The following CHST9 variants were observed in gnomAD, a reference collection of about 807,000 sequenced individuals.
CHST9 encodes GalNAc-4-sulfotransferase 2.
CHST9 carries 41 observed loss-of-function variants against 44.4 expected under a neutral mutation model. The observed-to-expected ratio is 0.92, with a 90% confidence interval of 0.72 to 1.20. CHST9 has a LOEUF of 1.20. CHST9 is among the 50% of genes most tolerant of loss of function. The pLI is 0.00. For synonymous variants in CHST9, 171 were observed against 178.4 expected (o/e 0.96, Z 0.33); for missense variants, 504 against 516.5 (o/e 0.98, Z 0.23).
intron 2 of CHST9, among the ~76,000 whole-genome samples, chr18:27,063,273 C>G (rs938409094): frequency 6.6e-6 from 1 of 152,120 alleles, no homozygotes; most frequent in African/African-American, 2.4e-5. Context: ...CATATGCTCC[C>G]TCATATATTT....
chr18:27,062,289 C>A (rs2057732265), intron 2 of CHST9, among the ~76,000 whole-genome samples: 1 of 152,032 alleles, frequency 6.6e-6, no homozygotes. Flanking sequence ...TTAGGTATAT[C>A]TCCTAATGCT....
At chr18:27,001,347 C>A (rs1440918056) in intron 4 of CHST9, among the ~76,000 whole-genome samples, 1 of 152,200 alleles carries the variant, frequency 6.6e-6, no homozygotes, top group Non-Finnish European at 1.5e-5. Flanking sequence ...CGGCTGCTCA[C>A]ATTCCATGCC....
At chr18:27,128,666 T>G (rs527873540) in intron 2 of CHST9, among the ~76,000 whole-genome samples, 3 of 152,326 alleles carry the variant, frequency 2.0e-5, no homozygotes, top group East Asian at 3.9e-4. Context: ...TCTACTTAAC[T>G]AGTAGCAAGA....
At chr18:26,970,379 T>A (rs895660828) in intron 4 of CHST9, among the ~76,000 whole-genome samples, 2 of 152,220 alleles carry the variant, frequency 1.3e-5, no homozygotes, top group African/African-American at 4.8e-5. Flanking sequence ...AAATGCTGTA[T>A]GTATTGATTC....
At chr18:27,003,241 G>A (rs2056974051) in intron 4 of CHST9, among the ~76,000 whole-genome samples, 2 of 152,056 alleles carry the variant, frequency 1.3e-5, no homozygotes, top group Admixed American at 1.3e-4. Flanking sequence ...TTTCCTACCA[G>A]AAAAACTGAT....
intron 4 of CHST9, among the ~76,000 whole-genome samples, chr18:26,999,887 T>C (rs556346410): frequency 2.0e-5 from 3 of 152,298 alleles, no homozygotes; most frequent in African/African-American, 7.2e-5. Context: ...AGTTGGGTAC[T>C]TAGACGTTAA....
intron 5 of CHST9, among the ~76,000 whole-genome samples, chr18:26,941,176 C>A (rs532725219): frequency 1.3e-5 from 2 of 152,230 alleles, no homozygotes; most frequent in African/African-American, 4.8e-5. Flanking sequence ...ACTGGTGTTG[C>A]CTCTCTCTGC....
chr18:27,026,201 C>T (rs755646575), intron 3 of CHST9, among the ~76,000 whole-genome samples: 7 of 152,108 alleles, frequency 4.6e-5, no homozygotes, highest in African/African-American at 1.7e-4. Context: ...TAGGGCATTA[C>T]AATGAGAGTA....
chr18:27,028,118 G>A (rs926112258), intron 3 of CHST9, among the ~76,000 whole-genome samples: 4 of 152,072 alleles, frequency 2.6e-5, no homozygotes, highest in African/African-American at 9.7e-5. Context: ...TTTTCACCAT[G>A]TTGGTCAGGC....
chr18:27,027,646 C>T (rs565174171), intron 3 of CHST9, among the ~76,000 whole-genome samples: 2 of 152,116 alleles, frequency 1.3e-5, no homozygotes, highest in African/African-American at 2.4e-5. Flanking sequence ...GTTATGTGAA[C>T]CTTATCTAAT....
rs1424932126 is a variant in CHST9 at position 26,907,301 on chromosome 18, G to A, written c.*8958C>T. 2 of 152,548 alleles carry A rather than the reference G, an allele frequency of 1.3e-5. No individual in the cohort carries two copies. The highest frequency in any genetic ancestry group is 1.3e-4 in the Admixed American group (2 of 15,268). 9.4% of individuals were successfully genotyped at this position (152,548 alleles called of 1,614,324 possible). A position where few individuals can be genotyped will look rare whatever the true frequency, so the allele number is the denominator to read the frequency against. ...CTTCTAGGTTCCTAACTCAGAAGAT[G>A]GAGTAGATGGATGGTGTTGCCACCA... On this transcript the variant is annotated 3_prime_UTR_variant, in exon 6 of 6. Transcript: ENST00000618847.
intron 4 of CHST9, among the ~76,000 whole-genome samples, chr18:27,002,219 C>T (rs868753681): frequency 6.7e-6 from 1 of 149,366 alleles, no homozygotes; most frequent in African/African-American, 2.6e-5. Flanking sequence ...GAGGCCTGCA[C>T]CATCCTTAAT....
At chr18:26,969,668 ACGGTCTTATTG>A (rs1415280548) in intron 4 of CHST9, among the ~76,000 whole-genome samples, 1 of 152,186 alleles carries the variant, frequency 6.6e-6, no homozygotes, top group Non-Finnish European at 1.5e-5. Flanking sequence ...GCAAATGTAT[ACGGTCTTATTG>A]TGCCATGAAG....
intron 3 of CHST9, among the ~76,000 whole-genome samples, chr18:27,046,661 T>C (rs2057504130): frequency 1.3e-5 from 2 of 152,096 alleles, no homozygotes; most frequent in African/African-American, 4.8e-5. Flanking sequence ...AGACTGATTG[T>C]AGTATTTATG....
intron 2 of CHST9, among the ~76,000 whole-genome samples, chr18:27,059,791 T>C (rs1482696109): frequency 6.6e-6 from 1 of 152,212 alleles, no homozygotes; most frequent in East Asian, 1.9e-4. Context: ...AAGTTTTTCC[T>C]TTTTTATCTT....
Position 26,908,213 on chromosome 18 carries a change from T to G in CHST9, c.*8046A>C, listed in dbSNP as rs1325112291. On this transcript the variant is annotated 3_prime_UTR_variant, in exon 6 of 6. Coordinates refer to ENST00000618847, the MANE Select transcript of CHST9 (RefSeq NM_031422.6). ...GCGGATGGGTCACGAGGTCAAGAGATCGAGACCATCCTGGCCAATGTGGTG... is the reference window on the plus strand; with the variant it reads ...GCGGATGGGTCACGAGGTCAAGAGAGCGAGACCATCCTGGCCAATGTGGTG... The G allele has an allele frequency of 6.6e-6, 1 of 152,302 alleles. No homozygotes were observed. Among genetic ancestry groups the G allele is most frequent in the Non-Finnish European group, 1.5e-5 (1 of 68,174 alleles). The allele number at this position is 152,302 out of a possible 1,614,324, so 9.4% of individuals were successfully genotyped here. A position where few individuals can be genotyped will look rare whatever the true frequency, so the allele number is the denominator to read the frequency against.
chr18:27,141,113 C>T (rs1269754492), intron 2 of CHST9, among the ~76,000 whole-genome samples: 1 of 152,102 alleles, frequency 6.6e-6, no homozygotes, highest in Non-Finnish European at 1.5e-5. Context: ...AATCCTAGCA[C>T]TTTGGGAGGC....
At chr18:26,983,028 G>A (rs987249112) in intron 4 of CHST9, among the ~76,000 whole-genome samples, 1 of 152,114 alleles carries the variant, frequency 6.6e-6, no homozygotes, top group Non-Finnish European at 1.5e-5. Context: ...TGTAAGGAGA[G>A]GGAGGATCTG....
chr18:26,920,982 T>G (rs2055640797), intron 5 of CHST9, among the ~76,000 whole-genome samples: 1 of 152,112 alleles, frequency 6.6e-6, no homozygotes, highest in Non-Finnish European at 1.5e-5. Context: ...AATGTCTGAG[T>G]GTAAGGCCCC....
Sources: allele counts gnomAD v4.1 joint callset (sites outside exome capture counted in the v4.1 genomes callset), GRCh38; gene constraint gnomAD v4.1.1; transcripts MANE v1.5; gene names NCBI Gene and HGNC (gene_info 2026-07-23, HGNC 2026-07-21).